Variants in A3GALT2 observed in about 807,000 individuals in gnomAD.
A3GALT2 encodes alpha-1,3-galactosyltransferase 2.
Under a neutral mutation model 16.6 loss-of-function variants are expected in A3GALT2, and 14 were observed. The observed-to-expected ratio is 0.84, with a 90% CI of 0.56 to 1.32. A3GALT2 has a LOEUF of 1.32. Ranked by LOEUF, A3GALT2 falls within the 40% of genes most tolerant of loss-of-function variation. A3GALT2 has a pLI of 0.00. For synonymous variants in A3GALT2, 253 were observed against 218.0 expected, an observed-to-expected ratio of 1.16 and a Z score of -1.42; for missense variants, 600 against 490.9, an observed-to-expected ratio of 1.22 and a Z score of -2.10.
rs566125550 is a variant in A3GALT2 at position 33,307,438 on chromosome 1, G to A, written c.351C>T (p.Tyr117=). 142 of 1,523,988 alleles carry A rather than the reference G, an allele frequency of 9.3e-5. No individual in the cohort carries two copies. Among genetic ancestry groups the A allele is most frequent in the Non-Finnish European group, 1.1e-4 (130 of 1,146,192 alleles). The allele number at this position is 1,523,988 out of a possible 1,614,324, so 94.4% of individuals were successfully genotyped here. ...CCGCCGTCTCCAGGAAGCGCTCCAGGTACTTCTCCAGGTATCTAAGGGCGC... is the reference window on the plus strand; with the variant it reads ...CCGCCGTCTCCAGGAAGCGCTCCAGATACTTCTCCAGGTATCTAAGGGCGC... The part of the protein sequence containing the change: ...IFAVGRYLEK[Y]LERFLETAEQ... The change falls in exon 5 of 5, where the codon TAC becomes TAT. Residue 117 remains tyrosine, a synonymous_variant. Coordinates refer to ENST00000442999, the MANE Select transcript of A3GALT2 (RefSeq NM_001080438.1).
At position 33,312,605 on chromosome 1, in the gene A3GALT2, G is replaced by A. The variant is rs1457151649; in HGVS notation, c.108-15C>T. On this transcript the variant is annotated splice_polypyrimidine_tract_variant and intron_variant, in intron 2 of 4. Transcript: ENST00000442999. ...CTTCCAGATGCCTGTGGTGGGTTGA[G>A]GGGCGGGGGGCAGGCAGCCGTGAGA... 1.3e-6 allele frequency: 2 copies of A among 1,560,912 alleles called. No homozygotes were observed. Among genetic ancestry groups the A allele is most frequent in the South Asian group, 2.4e-5 (2 of 84,610 alleles).
rs1553181138 is a variant in A3GALT2, at chr1:33,306,998, G to GCCGCCACGCTGCCCCCGAACA, written c.770_790dup (p.Val257_Ala263dup). Reference sequence around the variant, plus strand: ...ACAGTGCGCCGTCAGCCCGCGCAGCGCCGCCACGCTGCCCCCGAACACCGC... The same window carrying GCCGCCACGCTGCCCCCGAACA: ...ACAGTGCGCCGTCAGCCCGCGCAGCGCCGCCACGCTGCCCCCGAACACCGCCACGCTGCCCCCGAACACCGC... On this transcript the variant is annotated inframe_insertion, in exon 5 of 5. Coordinates refer to ENST00000442999, the MANE Select transcript of A3GALT2 (RefSeq NM_001080438.1). The GCCGCCACGCTGCCCCCGAACA allele has an allele frequency of 1.4e-6, 2 of 1,460,114 alleles. No individual in the cohort carries two copies. The highest frequency in any genetic ancestry group is 5.8e-5 in the East Asian group (2 of 34,758). 90.4% of individuals were successfully genotyped at this position (1,460,114 alleles called of 1,614,324 possible).
rs1646283488 is a variant in A3GALT2 at position 33,320,993 on chromosome 1, A to G, written c.23+83T>C. 6.4e-7 allele frequency: 1 copy of G among 1,562,138 alleles called. No homozygotes were observed. ...GCTCACTCTGGTGCCTCCCCTTGGT[A>G]CTGTTTTAGCCATCAGACTGGATCC... is the stretch of plus-strand genomic sequence containing the variant. On this transcript the variant is annotated intron_variant, in intron 1 of 4. Transcript: ENST00000442999. The surrounding 1 kb of genome is among the most constrained non-coding windows in gnomAD (Gnocchi z 4.3).
chr1:33,316,641 TGAG>T (rs936390146), intron 1 of A3GALT2, among the ~76,000 whole-genome samples: 1 of 151,260 alleles, frequency 6.6e-6, no homozygotes, highest in African/African-American at 2.4e-5. Context: ...GAATAGGTGG[TGAG>T]GGGCTGTCAG....
At chr1:33,321,008 A>C in intron 1 of A3GALT2, 68 bp downstream of exon 1, 1 of 1,597,376 alleles carries the variant, frequency 6.3e-7, no homozygotes. Flanking sequence ...TTTAGCCATC[A>C]GACTGGATCC....
At chr1:33,319,905 A>G (rs1557810764) in intron 1 of A3GALT2, among the ~76,000 whole-genome samples, 2 of 151,984 alleles carry the variant, frequency 1.3e-5, no homozygotes, top group South Asian at 4.1e-4. Flanking sequence ...CACCTTCAGT[A>G]GGCATTTGCC....
At chr1:33,307,550 C>T (rs1325299771) in intron 4 of A3GALT2, 97 bp from the exon 5 acceptor site, 1 of 991,424 alleles carries the variant, frequency 1.0e-6, no homozygotes, top group African/African-American at 2.0e-5. Flanking sequence ...CCCTCACCCC[C>T]ACTCCCACCC....
At chr1:33,319,535 T>G (rs1013424746) in intron 1 of A3GALT2, among the ~76,000 whole-genome samples, 2 of 152,154 alleles carry the variant, frequency 1.3e-5, no homozygotes, top group Non-Finnish European at 2.9e-5. Flanking sequence ...TGGGGCCTGG[T>G]TTTCATTTTC....
intron 4 of A3GALT2, among the ~76,000 whole-genome samples, chr1:33,308,750 G>GTTTTTTTGTTTTTTTTTTT (rs1646216355): frequency 2.2e-5 from 1 of 46,130 alleles, no homozygotes; most frequent in African/African-American, 1.2e-4. Context: ...TGTCAAAGTT[G>GTTTTTTTGTTTTTTTTTTT]TTTTTTTTTT....
rs1331039687 is a variant in A3GALT2 at position 33,312,515 on chromosome 1, A to G, written c.183T>C (p.Gly61=). The change falls in exon 3 of 5, where the codon GGT becomes GGC. Residue 61 remains glycine, a synonymous_variant. Coordinates refer to ENST00000442999, the MANE Select transcript of A3GALT2 (RefSeq NM_001080438.1). ...TMSQLRDNFT[G]ALRPWARPEV... is the part of the protein sequence containing the mutation. ...GAGCTTCTTACCAGGGACGCAGGGC[A>G]CCTGTGAAGTTGTCTCTCAGCTGGG... The G allele has an allele frequency of 6.3e-7, 1 of 1,598,028 alleles. No individual in the cohort carries two copies.
chr1:33,316,186 T>C (rs1239241492), intron 1 of A3GALT2, among the ~76,000 whole-genome samples: 2 of 151,842 alleles, frequency 1.3e-5, no homozygotes. Flanking sequence ...GAGAGGTCCA[T>C]GGAAAAGAAA....
intron 3 of A3GALT2, 58 bp downstream of exon 3, chr1:33,312,443 G>T: frequency 6.8e-7 from 1 of 1,478,316 alleles, no homozygotes; most frequent in Non-Finnish European, 9.2e-7. Flanking sequence ...GGGACATGGG[G>T]CAGAGCTGTG....
intron 2 of A3GALT2, 55 bp from the exon 3 acceptor site, chr1:33,312,645 G>C (rs747064086): frequency 6.7e-7 from 1 of 1,500,290 alleles, no homozygotes; most frequent in Non-Finnish European, 9.1e-7. Flanking sequence ...TGTCAGCCTG[G>C]CCAGGAGCCC....
chr1:33,312,446 G>T, intron 3 of A3GALT2, 55 bp downstream of exon 3: 1 of 1,486,712 alleles, frequency 6.7e-7, no homozygotes, highest in Non-Finnish European at 9.1e-7. Flanking sequence ...ACATGGGGCA[G>T]AGCTGTGTAG....
At position 33,308,750 on chromosome 1, in the gene A3GALT2, G is replaced by GTTTTTTTTTTT. The variant is rs56655319; in HGVS notation, c.336-1308_336-1298dup. Among the ~76,000 whole-genome samples the GTTTTTTTTTTT allele has an allele frequency of 1.8e-3, 83 of 46,080 alleles. 1 individual carries two copies. Among genetic ancestry groups the GTTTTTTTTTTT allele is most frequent in the African/African-American group, 3.5e-3 (29 of 8,190 alleles). The allele number at this position is 46,080 out of a possible 152,430, so 30.2% of individuals were successfully genotyped here. On this transcript the variant is annotated intron_variant, in intron 4 of 4. Transcript: ENST00000442999. The stretch of plus-strand genomic sequence containing the variant: ...ATTATTTTTTTGTCATGTCAAAGTT[G>GTTTTTTTTTTT]TTTTTTTTTTTTTTTTTTTTTTTTT...
At chr1:33,317,295 G>T (rs1300548741) in intron 1 of A3GALT2, among the ~76,000 whole-genome samples, 1 of 152,126 alleles carries the variant, frequency 6.6e-6, no homozygotes, top group African/African-American at 2.4e-5. Flanking sequence ...TACAATTTAA[G>T]CAAGAATAAA....
chr1:33,320,546 C>A lies in A3GALT2; in HGVS notation c.23+530G>T, dbSNP rs1433178384. On this transcript the variant is annotated intron_variant, in intron 1 of 4. Transcript: ENST00000442999. This position sits in a 1 kb window ranked among gnomAD's most constrained non-coding sequence, Gnocchi z 4.3. Reference sequence around the variant, plus strand: ...CCCGTGGTCTGTGGAGGCCCCTGATCAGTCCACTCCTCCACATTTCTTGTT... The same window carrying A: ...CCCGTGGTCTGTGGAGGCCCCTGATAAGTCCACTCCTCCACATTTCTTGTT... Among the ~76,000 whole-genome samples the A allele has an allele frequency of 6.6e-6, 1 of 152,008 alleles. No individual in the cohort carries two copies. Among genetic ancestry groups the A allele is most frequent in the African/African-American group, 2.4e-5 (1 of 41,458 alleles).
At chr1:33,311,640 G>A (rs182613828) in intron 4 of A3GALT2, among the ~76,000 whole-genome samples, 1 of 152,120 alleles carries the variant, frequency 6.6e-6, no homozygotes, top group East Asian at 1.9e-4. Flanking sequence ...ACCTGCACCT[G>A]AGCTGCTGAC....
intron 1 of A3GALT2, 61 bp downstream of exon 1, chr1:33,321,015 A>C: frequency 1.3e-5 from 21 of 1,579,944 alleles, no homozygotes; most frequent in Non-Finnish European, 1.7e-5. Context: ...ATCAGACTGG[A>C]TCCCTCTTAG....
Sources: gnomAD v4.1 joint callset for allele counts (sites outside exome capture counted in the v4.1 genomes callset) on GRCh38, gnomAD v4.1.1 for gene constraint, Gnocchi (gnomAD v3.1) non-coding constraint, MANE v1.5 for transcripts, NCBI Gene and HGNC (gene_info 2026-07-23, HGNC 2026-07-21) for gene names.